Variants in ERP44 observed in about 807,000 individuals in gnomAD.
The protein encoded by ERP44 is endoplasmic reticulum protein 44.
In ERP44, 25 loss-of-function variants were observed where a neutral mutation model predicts 53.4. The ratio of observed to expected loss-of-function variants is 0.47; its 90% CI spans 0.34 to 0.65. ERP44 has a LOEUF of 0.65. Among genes scored for constraint, ERP44 ranks in the 30% least tolerant of loss-of-function variants. The pLI is 0.01. For synonymous variants in ERP44, 145 were observed against 161.2 expected (o/e 0.90, Z 0.76); for missense variants, 338 against 493.2 (o/e 0.69, Z 2.98).
In ERP44 at chr9:99,998,486, A is replaced by C; in HGVS notation, c.1016+8020T>G. On this transcript the variant is annotated intron_variant, in intron 10 of 11. Transcript: ENST00000262455. ...CCTCTGCACTCTTCCTGGTCTCTCC[A>C]CGGCCTCCCTCGGAGCCCCGCTGTC... 5 of 711,264 alleles carry C rather than the reference A, an allele frequency of 7.0e-6. No individual in the cohort carries two copies. The South Asian group carries it at 7.5e-5, about 11-fold the overall frequency. 44.1% of individuals were successfully genotyped at this position (711,264 alleles called of 1,614,324 possible). A position where few individuals can be genotyped will look rare whatever the true frequency, so the allele number is the denominator to read the frequency against.
intron 5 of ERP44, among the ~76,000 whole-genome samples, chr9:100,021,159 T>C (rs1443216213): frequency 6.6e-6 from 1 of 152,190 alleles, no homozygotes; most frequent in Non-Finnish European, 1.5e-5. Context: ...CTATCCTTTA[T>C]CCAGGCCATT....
intron 11 of ERP44, among the ~76,000 whole-genome samples, chr9:99,984,556 A>T (rs1278838897): frequency 1.3e-5 from 2 of 152,228 alleles, no homozygotes; most frequent in Non-Finnish European, 2.9e-5. Flanking sequence ...TGATTTAGCA[A>T]GAATAACAAA....
chr9:100,066,605 G>A lies in ERP44; in HGVS notation c.58-6433C>T, dbSNP rs186456843. Among the ~76,000 whole-genome samples, 4 of 152,280 alleles carry A rather than the reference G, an allele frequency of 2.6e-5. No homozygotes were observed. In the East Asian group the frequency reaches 7.7e-4, roughly 29 times the overall value. ...TAGCAAAAAACAAGCAATGTACCAGGCAACAGTTATCTTCCATTTCTAATC... is the reference window on the plus strand; with the variant it reads ...TAGCAAAAAACAAGCAATGTACCAGACAACAGTTATCTTCCATTTCTAATC... On this transcript the variant is annotated intron_variant, in intron 1 of 11. Transcript: ENST00000262455.
chr9:100,094,957 G>A (rs911466384), intron 1 of ERP44, among the ~76,000 whole-genome samples: 1 of 146,744 alleles, frequency 6.8e-6, no homozygotes, highest in Admixed American at 6.8e-5. Flanking sequence ...GGGTGACAGA[G>A]CTAGACTCTG....
chr9:100,020,827 G>T, intron 5 of ERP44, 96 bp from the exon 6 acceptor site: 1 of 641,760 alleles, frequency 1.6e-6, no homozygotes, highest in South Asian at 2.0e-5. Flanking sequence ...AACAAGTCCA[G>T]TCATTGTTCA....
chr9:100,034,343 G>A (rs1365218172), intron 4 of ERP44, among the ~76,000 whole-genome samples: 2 of 152,176 alleles, frequency 1.3e-5, no homozygotes, highest in South Asian at 2.1e-4. Context: ...CAAATGACAC[G>A]GCAATGTCAG....
chr9:100,066,890 T>A (rs933985600), intron 1 of ERP44, among the ~76,000 whole-genome samples: 2 of 152,182 alleles, frequency 1.3e-5, no homozygotes, highest in African/African-American at 4.8e-5. Flanking sequence ...AAGGCACATC[T>A]CACACTATTC....
intron 1 of ERP44, among the ~76,000 whole-genome samples, chr9:100,080,290 G>A (rs750761817): frequency 2.6e-5 from 4 of 152,164 alleles, no homozygotes; most frequent in African/African-American, 7.2e-5. Context: ...AAGTAATGCC[G>A]CTAGAAGGTT....
intron 4 of ERP44, among the ~76,000 whole-genome samples, chr9:100,040,533 T>C (rs191075352): frequency 6.6e-6 from 1 of 152,264 alleles, no homozygotes; most frequent in Admixed American, 6.5e-5. Flanking sequence ...ATGAAGACAA[T>C]GTACAATAGA....
At chr9:100,010,761 C>T (rs895404078) in intron 8 of ERP44, among the ~76,000 whole-genome samples, 4 of 151,620 alleles carry the variant, frequency 2.6e-5, no homozygotes, top group African/African-American at 7.3e-5. Context: ...ATTAGTTGGG[C>T]GTGGTGGTGG....
chr9:100,048,833 A>T lies in ERP44; in HGVS notation c.286+3584T>A, dbSNP rs560702050. Among the ~76,000 whole-genome samples the T allele has an allele frequency of 7.2e-5, 11 of 152,308 alleles. No individual in the cohort carries two copies. The South Asian group carries it at 2.3e-3, about 32-fold the overall frequency. On this transcript the variant is annotated intron_variant, in intron 4 of 11. Coordinates refer to ENST00000262455, the MANE Select transcript of ERP44 (RefSeq NM_015051.3). ...AGAGTAATCGCATTTGTAGAAAAAG[A>T]AGGTAGAAAAGTGGTTGCCAGGGGC... is the stretch of plus-strand genomic sequence containing the variant.
chr9:99,994,042 A>T (rs1271113637), intron 10 of ERP44, among the ~76,000 whole-genome samples: 3 of 152,218 alleles, frequency 2.0e-5, no homozygotes, highest in Non-Finnish European at 4.4e-5. Flanking sequence ...GAACGCTTTT[A>T]CACTGTTGGT....
intron 4 of ERP44, among the ~76,000 whole-genome samples, chr9:100,039,907 T>C (rs1359103929): frequency 6.6e-6 from 1 of 152,036 alleles, no homozygotes; most frequent in Non-Finnish European, 1.5e-5. Flanking sequence ...TGCCAATAAA[T>C]TGGAAAATCT....
chr9:100,035,430 C>T (rs1355377505), intron 4 of ERP44, among the ~76,000 whole-genome samples: 1 of 152,154 alleles, frequency 6.6e-6, no homozygotes, highest in Non-Finnish European at 1.5e-5. Context: ...AATCCCAGCA[C>T]TTTGGGAGGC....
intron 1 of ERP44, among the ~76,000 whole-genome samples, chr9:100,089,292 A>C (rs1826521760): frequency 6.6e-6 from 1 of 152,210 alleles, no homozygotes; most frequent in South Asian, 2.1e-4. Flanking sequence ...AGATATGCCA[A>C]AGAGAGGCCA....
chr9:99,996,196 T>TG (rs1347682229), intron 10 of ERP44, among the ~76,000 whole-genome samples: 1 of 152,166 alleles, frequency 6.6e-6, no homozygotes, highest in Non-Finnish European at 1.5e-5. Context: ...AGATCCCTCA[T>TG]GAATGGCTTG....
chr9:100,076,410 A>G (rs1047205802), intron 1 of ERP44, among the ~76,000 whole-genome samples: 1 of 152,208 alleles, frequency 6.6e-6, no homozygotes, highest in Non-Finnish European at 1.5e-5. Context: ...ATCAGCTGAC[A>G]GAGGAAGAGA....
At chr9:100,046,485 A>G (rs1224549689) in intron 4 of ERP44, among the ~76,000 whole-genome samples, 1 of 152,192 alleles carries the variant, frequency 6.6e-6, no homozygotes, top group Non-Finnish European at 1.5e-5. Flanking sequence ...ATCTACAATT[A>G]TTCCAGAAAT....
At chr9:100,034,486 GC>G (rs1392545285) in intron 4 of ERP44, among the ~76,000 whole-genome samples, 1 of 152,116 alleles carries the variant, frequency 6.6e-6, no homozygotes, top group Non-Finnish European at 1.5e-5. Context: ...CCAGCCAGCA[GC>G]CCTTGCGGCT....
Sources: gnomAD v4.1 joint callset for allele counts (sites outside exome capture counted in the v4.1 genomes callset) on GRCh38, gnomAD v4.1.1 for gene constraint, MANE v1.5 for transcripts, NCBI Gene and HGNC (gene_info 2026-07-23, HGNC 2026-07-21) for gene names.